TSC1: variants seen among roughly 807,000 people sequenced by gnomAD.
TSC1 encodes the protein TSC complex subunit 1, also known as hamartin.
Under a neutral mutation model 124.3 loss-of-function variants are expected in TSC1, and 20 were observed. The ratio of observed to expected loss-of-function variants is 0.16; its 90% CI spans 0.11 to 0.23. The LOEUF is 0.23. Ranked by LOEUF, TSC1 falls within the 10% of genes least tolerant of loss-of-function variation. The pLI is 1.00. For synonymous variants in TSC1, 493 were observed against 539.1 expected, an observed-to-expected ratio of 0.91 and a Z score of 1.19; for missense variants, 1,124 against 1,448.5, an observed-to-expected ratio of 0.78 and a Z score of 3.64.
chr9:132,923,987 G>A lies in TSC1; in HGVS notation c.364-495C>T, dbSNP rs10118694. Among the ~76,000 whole-genome samples the A allele has an allele frequency of 6.6e-6, 1 of 151,184 alleles. No individual in the cohort carries two copies. Among genetic ancestry groups the A allele is most frequent in the African/African-American group, 2.4e-5 (1 of 41,202 alleles). ...AACTACAACAGAAGTATAATTGAAG[G>A]AGAAATTCATATAGCACTAACAAGT... On this transcript the variant is annotated intron_variant, in intron 5 of 22. Coordinates refer to ENST00000298552, the MANE Select transcript of TSC1 (RefSeq NM_000368.5). The surrounding 1 kb of genome is among the most constrained non-coding windows in gnomAD (Gnocchi z 4.2).
rs1845668087 is a variant in TSC1, at chr9:132,906,297, G to A, written c.1439-158C>T. ...ACAGTGGCTCACGCCTGTAATGCCA[G>A]AACTTTGGGAGGCTGAGGAGGGAGG... On this transcript the variant is annotated intron_variant, in intron 14 of 22. Coordinates refer to ENST00000298552, the MANE Select transcript of TSC1 (RefSeq NM_000368.5). The surrounding 1 kb of genome is among the most constrained non-coding windows in gnomAD (Gnocchi z 4.1). 3.6e-6 allele frequency: 3 copies of A among 832,558 alleles called. No homozygotes were observed. Among genetic ancestry groups the A allele is most frequent in the Non-Finnish European group, 3.9e-6 (2 of 510,170 alleles). The allele number at this position is 832,558 out of a possible 1,614,324, so 51.6% of individuals were successfully genotyped here.
chr9:132,896,200 C>T lies in TSC1; in HGVS notation c.*35G>A. The T allele has an allele frequency of 5.0e-6, 8 of 1,614,082 alleles. No individual in the cohort carries two copies. Among genetic ancestry groups the T allele is most frequent in the Non-Finnish European group, 6.8e-6 (8 of 1,180,024 alleles). On this transcript the variant is annotated 3_prime_UTR_variant, in exon 23 of 23. Coordinates refer to ENST00000298552, the MANE Select transcript of TSC1 (RefSeq NM_000368.5). This position sits in a 1 kb window ranked among gnomAD's most constrained non-coding sequence, Gnocchi z 4.5. ...ATTCACACCTCCTGTTCTGTGCCAA[C>T]AATATGCAAGTTAACACTGATTGAC...
chr9:132,938,216 C>T (rs1241805180), intron 1 of TSC1, among the ~76,000 whole-genome samples: 1 of 152,148 alleles, frequency 6.6e-6, no homozygotes, highest in Admixed American at 6.5e-5. Context: ...GGGGGTACTA[C>T]AAGGCATAAT....
intron 1 of TSC1, among the ~76,000 whole-genome samples, chr9:132,940,327 G>A (rs924596295): frequency 1.3e-5 from 2 of 151,964 alleles, no homozygotes; most frequent in African/African-American, 4.8e-5. Context: ...TTCAAGCTGC[G>A]TCCATAAATT....
At chr9:132,942,706 G>A (rs1226229207) in intron 1 of TSC1, among the ~76,000 whole-genome samples, 1 of 152,232 alleles carries the variant, frequency 6.6e-6, no homozygotes, top group Non-Finnish European at 1.5e-5. Flanking sequence ...AATGCATGCA[G>A]CAGAGAAAGT....
intron 8 of TSC1, among the ~76,000 whole-genome samples, chr9:132,916,987 T>G (rs1846298519): frequency 6.6e-6 from 1 of 152,208 alleles, no homozygotes; most frequent in Non-Finnish European, 1.5e-5. Context: ...GGAAGGAAAT[T>G]TGAGTCCATG....
At chr9:132,933,474 C>T (rs10116061) in intron 2 of TSC1, among the ~76,000 whole-genome samples, 58,781 of 152,054 alleles carry the variant, frequency 0.39, 13,734 homozygotes, top group South Asian at 0.6. Flanking sequence ...AGAATAATTG[C>T]TAAAGGCGGC....
rs746304922 is a variant in TSC1 at position 132,905,900 on chromosome 9, C to T, written c.1678G>A (p.Gly560Ser). 6.2e-6 allele frequency: 10 copies of T among 1,612,036 alleles called. No individual in the cohort carries two copies. In the Admixed American group the frequency reaches 6.7e-5, roughly 11 times the overall value. Residue 560 changes from glycine (G) to serine (S), a missense_variant, in exon 15 of 23, where the codon GGC becomes AGC. Gly to Ser is a moderately conservative substitution (Grantham distance 56). Coordinates refer to ENST00000298552, the MANE Select transcript of TSC1 (RefSeq NM_000368.5). ...QAFTPIDLPCGSADESPAGDR... is the reference protein window; with the variant it reads ...QAFTPIDLPCSSADESPAGDR... ...CCCGCAGGGCTTTCATCAGCACTGC[C>T]GCAGGGCAGGTCTATGGGAGTAAAG... is the stretch of plus-strand genomic sequence containing the variant.
intron 9 of TSC1, among the ~76,000 whole-genome samples, 188 bp downstream of exon 9, chr9:132,912,094 C>T (rs139535675): frequency 1.5e-4 from 23 of 152,256 alleles, no homozygotes; most frequent in African/African-American, 4.1e-4. Context: ...AGACCAAGGA[C>T]ATCTAAATTA....
At chr9:132,944,687 A>C (rs569842500), upstream of TSC1, 120 of 398,362 alleles carry the variant, frequency 3.0e-4, no homozygotes, top group African/African-American at 2.0e-3. Flanking sequence ...CCCCCTCCGG[A>C]CCTCCCCTCC....
chr9:132,918,300 A>G (rs144360950), intron 8 of TSC1, among the ~76,000 whole-genome samples: 78 of 152,336 alleles, frequency 5.1e-4, no homozygotes, highest in African/African-American at 1.9e-3. Context: ...TGAAGAGTCA[A>G]CTGATTATAC....
chr9:132,904,533 A>T lies in TSC1; in HGVS notation c.1998-79T>A. ...GTATCTGGACTTTTATTTGCAGCAA[A>T]GTTAGATCACTTCCTTGTGGTCAAA... On this transcript the variant is annotated intron_variant, in intron 15 of 22. Transcript: ENST00000298552. 2.9e-6 allele frequency: 4 copies of T among 1,402,910 alleles called. No individual in the cohort carries two copies. The Admixed American group carries it at 6.9e-5, about 24-fold the overall frequency. 86.9% of individuals were successfully genotyped at this position (1,402,910 alleles called of 1,614,324 possible).
chr9:132,911,437 C>G lies in TSC1; in HGVS notation c.1029+16G>C. 3 of 1,578,342 alleles carry G rather than the reference C, an allele frequency of 1.9e-6. No homozygotes were observed. The highest frequency in any genetic ancestry group is 2.6e-6 in the Non-Finnish European group (3 of 1,147,670). ...GAAAGCAGAGGAGAGAGCAGGCACA[C>G]TAGTTGACACCATACTTGTGGTGGT... is the stretch of plus-strand genomic sequence containing the variant. On this transcript the variant is annotated intron_variant, in intron 10 of 22. Transcript: ENST00000298552.
rs1357950246 is a variant in TSC1 at position 132,895,498 on chromosome 9, CAAAT to C, written c.*733_*736del. On this transcript the variant is annotated 3_prime_UTR_variant, in exon 23 of 23. Coordinates refer to ENST00000298552, the MANE Select transcript of TSC1 (RefSeq NM_000368.5). ...ATAGTACCAGCATTCAAGCAAACAC[CAAAT>C]AAATAAGAGGTAGTGGGGGAAGAAG... 5 of 233,738 alleles carry C rather than the reference CAAAT, an allele frequency of 2.1e-5. No individual in the cohort carries two copies. The highest frequency in any genetic ancestry group is 4.2e-5 in the Non-Finnish European group (5 of 118,242). 14.5% of individuals were successfully genotyped at this position (233,738 alleles called of 1,614,324 possible).
intron 12 of TSC1, among the ~76,000 whole-genome samples, chr9:132,909,519 C>T (rs1401279970): frequency 6.6e-6 from 1 of 152,178 alleles, no homozygotes; most frequent in East Asian, 1.9e-4. Context: ...ACAGACTCAG[C>T]TCATCATTTG....
intron 12 of TSC1, among the ~76,000 whole-genome samples, chr9:132,908,263 G>A (rs976963138): frequency 9.9e-5 from 15 of 152,182 alleles, no homozygotes; most frequent in South Asian, 4.1e-4. Context: ...TATATTTCCC[G>A]AAATAAAAAT....
In TSC1 at chr9:132,897,600, A is replaced by G. The variant is rs754457018; in HGVS notation, c.2636T>C (p.Met879Thr). 4 of 1,329,090 alleles carry G rather than the reference A, an allele frequency of 3.0e-6. No homozygotes were observed. The East Asian group carries it at 1.1e-4, about 37-fold the overall frequency. 82.3% of individuals were successfully genotyped at this position (1,329,090 alleles called of 1,614,324 possible). ...KHSDTTKEVE[M>T]MKAAYRKELE... ...CTCTTTCCGATAGGCGGCTTTCATC[A>G]TTTCTACTTCCTGAAAAAAAAAAAA... Residue 879 changes from methionine (M) to threonine (T), a missense_variant, in exon 21 of 23, where the codon ATG becomes ACG. Transcript: ENST00000298552.
At chr9:132,909,063 C>G (rs548943117) in intron 12 of TSC1, among the ~76,000 whole-genome samples, 2 of 152,146 alleles carry the variant, frequency 1.3e-5, no homozygotes, top group East Asian at 3.9e-4. Flanking sequence ...TGCCACCATA[C>G]CCGGCTAATG....
intron 8 of TSC1, chr9:132,912,968 C>T (rs1274971337): frequency 1.8e-5 from 3 of 168,068 alleles, no homozygotes; most frequent in Admixed American, 1.8e-4. Context: ...GAGATGGGGT[C>T]TCACTCTATC....
Sources: allele counts gnomAD v4.1 joint callset (sites outside exome capture counted in the v4.1 genomes callset), GRCh38; gene constraint gnomAD v4.1.1; non-coding constraint Gnocchi (gnomAD v3.1); transcripts MANE v1.5; gene names NCBI Gene and HGNC (gene_info 2026-07-23, HGNC 2026-07-21).